COL21A1: variants seen among roughly 807,000 people sequenced by gnomAD.
COL21A1 encodes collagen alpha-1(XXI) chain.
COL21A1 carries 149 observed loss-of-function variants against 137.9 expected under a neutral mutation model. The ratio of observed to expected loss-of-function variants is 1.08; its 90% CI spans 0.95 to 1.24. The LOEUF (loss-of-function observed/expected upper bound fraction) is 1.24, where lower values mean the gene tolerates loss of function less well. Among genes scored for constraint, COL21A1 ranks in the 50% most tolerant of loss-of-function variants. The pLI, the probability that COL21A1 is intolerant of heterozygous loss-of-function variation, is 0.00. For synonymous variants in COL21A1, 456 were observed against 391.5 expected (o/e 1.16, Z -1.95); for missense variants, 1,167 against 1,158.4 (o/e 1.01, Z -0.11).
At chr6:56,318,568 C>CACCCACT (rs1764794661) in intron 1 of COL21A1, among the ~76,000 whole-genome samples, 1 of 152,112 alleles carries the variant, frequency 6.6e-6, no homozygotes, top group Admixed American at 6.6e-5. Context: ...CCTCCCCTGA[C>CACCCACT]TACCTCTACC....
chr6:56,200,925 G>T (rs1779358612), intron 1 of COL21A1, among the ~76,000 whole-genome samples: 1 of 152,140 alleles, frequency 6.6e-6, no homozygotes. Context: ...CACCAACAGT[G>T]TAAAAGTGTT....
At chr6:56,327,228 G>A (rs1435926269) in intron 1 of COL21A1, among the ~76,000 whole-genome samples, 2 of 151,566 alleles carry the variant, frequency 1.3e-5, no homozygotes, top group African/African-American at 4.8e-5. Context: ...TTGTTTTTAT[G>A]TGTGAGTAGA....
chr6:56,177,791 CAAAAAAAAA>C (rs3065941), intron 3 of COL21A1, among the ~76,000 whole-genome samples: 1 of 69,380 alleles, frequency 1.4e-5, no homozygotes, highest in Non-Finnish European at 2.6e-5. Context: ...GACTCTGCCT[CAAAAAAAAA>C]AAAAAAAAAA....
chr6:56,269,332 A>C (rs1167340683), intron 1 of COL21A1, among the ~76,000 whole-genome samples: 1 of 152,192 alleles, frequency 6.6e-6, no homozygotes, highest in Admixed American at 6.5e-5. Context: ...GTCAACATGA[A>C]AGAAAAAAAT....
At chr6:56,244,215 C>G (rs1315501406) in intron 1 of COL21A1, among the ~76,000 whole-genome samples, 1 of 152,164 alleles carries the variant, frequency 6.6e-6, no homozygotes, top group East Asian at 1.9e-4. Flanking sequence ...GACCCTATAC[C>G]TATGACAGGA....
intron 18 of COL21A1, among the ~76,000 whole-genome samples, chr6:56,076,308 G>A (rs1291538376): frequency 1.3e-5 from 2 of 151,366 alleles, no homozygotes; most frequent in Non-Finnish European, 3.0e-5. Context: ...TAGTTAGGCT[G>A]ACAGGACACC....
chr6:56,285,334 T>C (rs1250586167), intron 1 of COL21A1, among the ~76,000 whole-genome samples: 1 of 152,184 alleles, frequency 6.6e-6, no homozygotes, highest in East Asian at 1.9e-4. Flanking sequence ...TAAAGAGCAA[T>C]CAGTTAGCAA....
At chr6:56,164,711 G>C in intron 8 of COL21A1, 103 bp downstream of exon 8, 1 of 939,200 alleles carries the variant, frequency 1.1e-6, no homozygotes, top group South Asian at 1.8e-5. Flanking sequence ...CATAAAAATG[G>C]GTTCCATTTG....
rs1042958785 is a variant in COL21A1 at position 56,276,497 on chromosome 6, C to T, written c.-38-93841G>A. On this transcript the variant is annotated intron_variant, in intron 1 of 28. Coordinates refer to the COL21A1 transcript ENST00000370819. ...CTTTTTTCAGAGAGAGGGGGAACAA[C>T]TTAAAATAAACCAGAAAACACCTTC... 5 of 948,102 alleles carry T rather than the reference C, an allele frequency of 5.3e-6. No individual in the cohort carries two copies. The African/African-American group carries it at 8.7e-5, about 16-fold the overall frequency. 58.7% of individuals were successfully genotyped at this position (948,102 alleles called of 1,614,324 possible). A position where few individuals can be genotyped will look rare whatever the true frequency, so the allele number is the denominator to read the frequency against.
chr6:56,099,682 A>T (rs1770271600), intron 17 of COL21A1, among the ~76,000 whole-genome samples: 1 of 151,850 alleles, frequency 6.6e-6, no homozygotes, highest in African/African-American at 2.4e-5. Context: ...ACGCACACCC[A>T]CATACACACA....
upstream of COL21A1, among the ~76,000 whole-genome samples, chr6:56,249,265 T>C (rs533551996): frequency 1.5e-3 from 227 of 152,344 alleles, no homozygotes; most frequent in African/African-American, 5.0e-3. Flanking sequence ...ATATTCCTAG[T>C]GGGCTTGTAA....
intron 3 of COL21A1, among the ~76,000 whole-genome samples, chr6:56,175,043 T>G (rs935609847): frequency 6.6e-6 from 1 of 152,034 alleles, no homozygotes; most frequent in Non-Finnish European, 1.5e-5. Context: ...AAGGAAAAGA[T>G]AACATGATCA....
chr6:56,260,321 C>T lies in COL21A1; in HGVS notation c.-38-77665G>A, dbSNP rs555384566. On this transcript the variant is annotated intron_variant, in intron 1 of 28. Transcript: ENST00000370819. ...GAATCTGGCCAGGTGCAATGGTTCA[C>T]GCCTGTAATCCCAGCACTTTGGGAG... Among the ~76,000 whole-genome samples, 11 of 152,064 alleles carry T rather than the reference C, an allele frequency of 7.2e-5. No homozygotes were observed. In the East Asian group the frequency reaches 1.2e-3, roughly 16 times the overall value.
Position 56,362,515 on chromosome 6 carries a change from A to G in COL21A1, c.-39+31456T>C, listed in dbSNP as rs535220621. Among the ~76,000 whole-genome samples the G allele has an allele frequency of 2.6e-5, 4 of 152,326 alleles. No individual in the cohort carries two copies. The East Asian group carries it at 7.7e-4, about 29-fold the overall frequency. On this transcript the variant is annotated intron_variant, in intron 1 of 28. Transcript: ENST00000370819. ...ACTTTTACTAAATTTGTTCAAATAC[A>G]TTTTACTAAATTTACTCAAAGTAGC...
chr6:56,116,433 T>G (rs1364939622), intron 16 of COL21A1, among the ~76,000 whole-genome samples: 2 of 137,804 alleles, frequency 1.5e-5, no homozygotes, highest in Non-Finnish European at 3.1e-5. Context: ...AACTTTACCC[T>G]AGTATAGTAT....
Position 56,145,857 on chromosome 6 carries a change from AT to A in COL21A1, c.1435-3875del, listed in dbSNP as rs71787689. Among the ~76,000 whole-genome samples, 189 of 146,148 alleles carry A rather than the reference AT, an allele frequency of 1.3e-3. 1 individual carries two copies. The highest frequency in any genetic ancestry group is 1.4e-3 in the Admixed American group (21 of 14,666). On this transcript the variant is annotated intron_variant, in intron 10 of 29. Coordinates refer to ENST00000244728, the MANE Select transcript of COL21A1 (RefSeq NM_030820.4). Reference sequence around the variant, plus strand: ...CAGAAAACTTCTTTATAAATGAGTCATTTTTTTTTTTTAGGGAAAAAAATAT... The same window carrying A: ...CAGAAAACTTCTTTATAAATGAGTCATTTTTTTTTTTAGGGAAAAAAATAT...
intron 12 of COL21A1, chr6:56,126,445 G>C (rs1472805859): frequency 3.5e-6 from 1 of 287,610 alleles, no homozygotes; most frequent in African/African-American, 2.3e-5. Context: ...ACAGGGGCAA[G>C]ACACATGAAT....
chr6:56,199,721 A>T (rs958490312), intron 1 of COL21A1, among the ~76,000 whole-genome samples: 1 of 152,178 alleles, frequency 6.6e-6, no homozygotes, highest in Non-Finnish European at 1.5e-5. Context: ...TGCCTCCTGC[A>T]TGTACTCAAA....
chr6:56,081,044 C>T (rs1385069327), intron 17 of COL21A1, among the ~76,000 whole-genome samples: 3 of 151,704 alleles, frequency 2.0e-5, no homozygotes, highest in Admixed American at 1.3e-4. Flanking sequence ...AATAATAAAA[C>T]CTATCTCATA....
Sources: gnomAD v4.1 joint callset for allele counts (sites outside exome capture counted in the v4.1 genomes callset) on GRCh38, gnomAD v4.1.1 for gene constraint, MANE v1.5 for transcripts, NCBI Gene and HGNC (gene_info 2026-07-23, HGNC 2026-07-21) for gene names.